The following CAMTA1 variants were observed in gnomAD, a reference collection of about 807,000 sequenced individuals.
CAMTA1 encodes calmodulin binding transcription activator 1, also known as calmodulin-binding transcription activator 1.
A neutral mutation model predicts 170.9 loss-of-function variants in CAMTA1; 27 were observed. The ratio of observed to expected loss-of-function variants is 0.16; its 90% CI spans 0.12 to 0.22. The LOEUF is 0.22. Among genes scored for constraint, CAMTA1 ranks in the 10% least tolerant of loss-of-function variants. The pLI is 1.00. For missense variants in CAMTA1, 1,619 were observed against 2,217.2 expected, an observed-to-expected ratio of 0.73 and a Z score of 5.42; for synonymous variants, 833 against 891.5, an observed-to-expected ratio of 0.93 and a Z score of 1.17.
chr1:6,826,075 G>A (rs1302295828), intron 3 of CAMTA1, among the ~76,000 whole-genome samples: 3 of 152,150 alleles, frequency 2.0e-5, no homozygotes, highest in African/African-American at 7.2e-5. Flanking sequence ...TGGACACTCA[G>A]TTCTGTTAAA....
rs1167449490 is a variant in CAMTA1, at chr1:7,518,369, G to T, written c.510+50468G>T. Among the ~76,000 whole-genome samples the T allele has an allele frequency of 2.6e-5, 4 of 151,842 alleles. No homozygotes were observed. The East Asian group carries it at 5.8e-4, about 22-fold the overall frequency. On this transcript the variant is annotated intron_variant, in intron 6 of 22. Transcript: ENST00000303635. ...CCCTCCACCGGCCTCTCCATCCTGG[G>T]CCTGACCCCTATCCACATCAACTTC...
intron 5 of CAMTA1, among the ~76,000 whole-genome samples, chr1:7,418,976 C>T (rs2091382597): frequency 6.6e-6 from 1 of 152,188 alleles, no homozygotes; most frequent in Non-Finnish European, 1.5e-5. Context: ...TCACTGCCCG[C>T]CAGAAACCCT....
chr1:7,531,978 G>A (rs2094497381), intron 6 of CAMTA1, among the ~76,000 whole-genome samples: 1 of 152,052 alleles, frequency 6.6e-6, no homozygotes, highest in East Asian at 1.9e-4. Flanking sequence ...CCAAACTGCT[G>A]GCGTTCTTGA....
intron 6 of CAMTA1, among the ~76,000 whole-genome samples, chr1:7,505,239 T>C (rs1208378041): frequency 6.6e-6 from 1 of 152,234 alleles, no homozygotes. Flanking sequence ...CCTTTGCCCA[T>C]GGGCCACAGC....
intron 3 of CAMTA1, chr1:6,873,962 A>G (rs2149008767): frequency 6.6e-6 from 1 of 152,386 alleles, no homozygotes; most frequent in Non-Finnish European, 1.5e-5. Context: ...ATACTCCAAC[A>G]GAAAGACTTC....
intron 5 of CAMTA1, among the ~76,000 whole-genome samples, chr1:7,291,613 C>A (rs113598083): frequency 0.018 from 2,706 of 152,352 alleles, 60 homozygotes; most frequent in African/African-American, 0.049. Flanking sequence ...AGCTGCCTGA[C>A]CTCAGGAGGC....
At chr1:7,759,933 G>A (rs759503275) in intron 22 of CAMTA1, among the ~76,000 whole-genome samples, 48 of 152,262 alleles carry the variant, frequency 3.2e-4, no homozygotes, top group Admixed American at 5.9e-4. Flanking sequence ...GAGTGACACC[G>A]CTCTTTGAAA....
At chr1:7,714,148 T>C (rs149627456) in intron 11 of CAMTA1, among the ~76,000 whole-genome samples, 12 of 152,364 alleles carry the variant, frequency 7.9e-5, no homozygotes, top group South Asian at 4.1e-4. Flanking sequence ...GAAACTAATG[T>C]GTTATTTCAT....
chr1:7,700,095 C>T (rs943490929), intron 11 of CAMTA1, among the ~76,000 whole-genome samples: 1 of 152,150 alleles, frequency 6.6e-6, no homozygotes. Flanking sequence ...AAGAAACTAT[C>T]GCCAAATCCA....
chr1:7,359,468 A>G (rs1239243177), intron 5 of CAMTA1, among the ~76,000 whole-genome samples: 2 of 152,148 alleles, frequency 1.3e-5, no homozygotes, highest in Non-Finnish European at 2.9e-5. Context: ...AACAGGACGC[A>G]GAGGACTCAG....
intron 11 of CAMTA1, among the ~76,000 whole-genome samples, chr1:7,725,189 G>A (rs1160978940): frequency 6.6e-6 from 1 of 152,208 alleles, no homozygotes; most frequent in Non-Finnish European, 1.5e-5. Context: ...AAGGTAGCGG[G>A]AAGGAACTAC....
At chr1:7,045,029 G>C (rs1705149547) in intron 3 of CAMTA1, among the ~76,000 whole-genome samples, 3 of 152,262 alleles carry the variant, frequency 2.0e-5, no homozygotes, top group Admixed American at 2.0e-4. Context: ...AAGAGAGTCT[G>C]GTGAAGTATA....
In CAMTA1 at chr1:6,970,431, G is replaced by A. The variant is rs1692315801; in HGVS notation, c.235-120873G>A. ...TGGCAGGGAGTGGGAGGCAGCAGAAGGAGTGGAGGCCGGTCCCAGACCAGC... is the reference window on the plus strand; with the variant it reads ...TGGCAGGGAGTGGGAGGCAGCAGAAAGAGTGGAGGCCGGTCCCAGACCAGC... On this transcript the variant is annotated intron_variant, in intron 3 of 22. Transcript: ENST00000303635. This position sits in a 1 kb window ranked among gnomAD's most constrained non-coding sequence, Gnocchi z 4.4. Among the ~76,000 whole-genome samples, 1 of 152,128 alleles carries A rather than the reference G, an allele frequency of 6.6e-6. No homozygotes were observed. Among genetic ancestry groups the A allele is most frequent in the Admixed American group, 6.5e-5 (1 of 15,286 alleles).
At chr1:6,856,476 G>A (rs1414914953) in intron 3 of CAMTA1, among the ~76,000 whole-genome samples, 1 of 152,056 alleles carries the variant, frequency 6.6e-6, no homozygotes, top group Non-Finnish European at 1.5e-5. Flanking sequence ...AGGCTGATAG[G>A]ACAGTCAGTC....
intron 3 of CAMTA1, among the ~76,000 whole-genome samples, chr1:6,925,834 G>A (rs749704324): frequency 1.3e-5 from 2 of 152,198 alleles, no homozygotes; most frequent in Admixed American, 6.5e-5. Context: ...AGGCCATAGG[G>A]CCCTAAGCTG....
At position 7,680,633 on chromosome 1, in the gene CAMTA1, A is replaced by G. The variant is rs1266436753; in HGVS notation, c.2914+2900A>G. ...GAGTGCGCCGCACCGTGCGGCGGGG[A>G]CCACAGGCCTTCGGTGGGCGGCGAG... On this transcript the variant is annotated intron_variant, in intron 11 of 22. Coordinates refer to ENST00000303635, the MANE Select transcript of CAMTA1 (RefSeq NM_015215.4). This position sits in a 1 kb window ranked among gnomAD's most constrained non-coding sequence, Gnocchi z 4.4. Among the ~76,000 whole-genome samples, 1 of 151,774 alleles carries G rather than the reference A, an allele frequency of 6.6e-6. No homozygotes were observed. Among genetic ancestry groups the G allele is most frequent in the Non-Finnish European group, 1.5e-5 (1 of 67,892 alleles).
intron 3 of CAMTA1, among the ~76,000 whole-genome samples, chr1:7,019,633 C>T (rs749830393): frequency 6.6e-6 from 1 of 152,224 alleles, no homozygotes; most frequent in South Asian, 2.1e-4. Flanking sequence ...ATCAGCTACA[C>T]AGATGATGAA....
intron 5 of CAMTA1, among the ~76,000 whole-genome samples, chr1:7,403,786 T>C (rs1046608281): frequency 6.6e-6 from 1 of 152,164 alleles, no homozygotes; most frequent in Non-Finnish European, 1.5e-5. Context: ...AGGTGCTGGC[T>C]TCTGTGCTGA....
chr1:7,625,772 C>T (rs2095629212), intron 6 of CAMTA1, among the ~76,000 whole-genome samples: 3 of 152,212 alleles, frequency 2.0e-5, no homozygotes, highest in Admixed American at 6.5e-5. Flanking sequence ...GTCTGGGGGA[C>T]CAGTTGGCGC....
Sources: allele counts gnomAD v4.1 joint callset (sites outside exome capture counted in the v4.1 genomes callset), GRCh38; gene constraint gnomAD v4.1.1; non-coding constraint Gnocchi (gnomAD v3.1); transcripts MANE v1.5; gene names NCBI Gene and HGNC (gene_info 2026-07-23, HGNC 2026-07-21).